Variants in KLF12 observed in about 807,000 individuals in gnomAD.
KLF12 encodes the protein KLF transcription factor 12.
In KLF12, 9 loss-of-function variants were observed where a neutral mutation model predicts 37.8. The observed-to-expected ratio is 0.24, with a 90% CI of 0.14 to 0.42. The LOEUF (loss-of-function observed/expected upper bound fraction) is 0.42. Among genes scored for constraint, KLF12 ranks in the 10% least tolerant of loss-of-function variants. The pLI is 1.00. For synonymous variants in KLF12, 208 were observed against 202.1 expected (o/e 1.03, Z -0.25); for missense variants, 411 against 516.0 (o/e 0.80, Z 1.97).
intron 1 of KLF12, among the ~76,000 whole-genome samples, chr13:74,085,730 G>C (rs188678109): frequency 1.3e-5 from 2 of 152,002 alleles, no homozygotes; most frequent in Non-Finnish European, 2.9e-5. Flanking sequence ...CCAATTCCTG[G>C]GCACCACCTT....
the KLF12 span, among the ~76,000 whole-genome samples, chr13:74,183,968 A>G: frequency 1.3e-5 from 2 of 152,148 alleles, no homozygotes; most frequent in Non-Finnish European, 2.9e-5. Context: ...GAGCATTTAT[A>G]TTGTATTCTA....
intron 1 of KLF12, among the ~76,000 whole-genome samples, chr13:74,048,162 G>T (rs958905106): frequency 1.3e-5 from 2 of 152,224 alleles, no homozygotes; most frequent in African/African-American, 4.8e-5. Flanking sequence ...GGACTTTACA[G>T]GTGGAGCAGC....
chr13:73,802,066 A>G (rs1324672979), intron 5 of KLF12: 1 of 152,166 alleles, frequency 6.6e-6, no homozygotes, highest in African/African-American at 2.4e-5. Context: ...GTTTATACCT[A>G]TATCAGAAGA....
intron 6 of KLF12, among the ~76,000 whole-genome samples, chr13:73,730,569 T>C (rs912042694): frequency 2.0e-5 from 3 of 152,040 alleles, no homozygotes; most frequent in African/African-American, 7.2e-5. Flanking sequence ...CAAAAAATGA[T>C]ATGTGATAAA....
At chr13:73,935,057 G>T in intron 3 of KLF12, among the ~76,000 whole-genome samples, 1 of 151,622 alleles carries the variant, frequency 6.6e-6, no homozygotes, top group Admixed American at 6.6e-5. Flanking sequence ...TCAACTTATT[G>T]CACCCTCCAC....
At chr13:74,001,823 T>C (rs1892288658) in intron 1 of KLF12, among the ~76,000 whole-genome samples, 1 of 152,202 alleles carries the variant, frequency 6.6e-6, no homozygotes. Context: ...GAAAAACAAA[T>C]GGTACATGCT....
intron 3 of KLF12, among the ~76,000 whole-genome samples, chr13:73,924,425 T>C (rs1889278856): frequency 1.3e-5 from 2 of 152,198 alleles, no homozygotes; most frequent in African/African-American, 4.8e-5. Context: ...TTATATTTGT[T>C]ATGGCGAGTT....
chr13:73,971,201 T>C (rs1273783056), intron 2 of KLF12, among the ~76,000 whole-genome samples: 1 of 152,210 alleles, frequency 6.6e-6, no homozygotes, highest in Non-Finnish European at 1.5e-5. Flanking sequence ...TTAGGAATTA[T>C]AAATTAAACT....
chr13:73,703,980 G>C (rs1189184955), intron 7 of KLF12, among the ~76,000 whole-genome samples: 1 of 152,190 alleles, frequency 6.6e-6, no homozygotes, highest in Non-Finnish European at 1.5e-5. Context: ...GAACTTTAGT[G>C]TAAGTAAAAA....
intron 3 of KLF12, among the ~76,000 whole-genome samples, chr13:73,942,212 T>C (rs1485011950): frequency 6.6e-6 from 1 of 152,162 alleles, no homozygotes; most frequent in Admixed American, 6.5e-5. Context: ...GCTTTGACCA[T>C]TGGTCTGGGG....
At chr13:73,734,084 A>C (rs1490129948) in intron 6 of KLF12, among the ~76,000 whole-genome samples, 2 of 151,910 alleles carry the variant, frequency 1.3e-5, no homozygotes, top group Non-Finnish European at 2.9e-5. Context: ...CAGTGCCTTC[A>C]CTCTTGCTAT....
At chr13:74,196,279 C>T in the KLF12 span, among the ~76,000 whole-genome samples, 2 of 152,162 alleles carry the variant, frequency 1.3e-5, no homozygotes, top group African/African-American at 4.8e-5. Context: ...CCCAAGCAGG[C>T]TTCCTCTGAC....
chr13:73,733,374 T>C lies in KLF12; in HGVS notation c.870-17849A>G, dbSNP rs148799158. On this transcript the variant is annotated intron_variant, in intron 6 of 7. Coordinates refer to ENST00000377669, the MANE Select transcript of KLF12 (RefSeq NM_007249.5). Reference sequence around the variant, plus strand: ...TTTGTCTCTATGAATTTGCCTACTTTAGGTGCCTCATATAAGTAGAATCAT... The same window carrying C: ...TTTGTCTCTATGAATTTGCCTACTTCAGGTGCCTCATATAAGTAGAATCAT... 3.8e-3 allele frequency among the ~76,000 whole-genome samples: 574 copies of C among 152,292 alleles called. 4 individuals are homozygous for C. The highest frequency in any genetic ancestry group is 0.013 in the African/African-American group (533 of 41,566).
chr13:73,826,613 ATTT>A (rs1474642513), intron 4 of KLF12, among the ~76,000 whole-genome samples: 1 of 152,112 alleles, frequency 6.6e-6, no homozygotes, highest in Non-Finnish European at 1.5e-5. Context: ...GCTCCTTTGT[ATTT>A]TTTTAATTCC....
chr13:74,250,739 A>G, the KLF12 span, among the ~76,000 whole-genome samples: 2 of 152,158 alleles, frequency 1.3e-5, no homozygotes, highest in Admixed American at 1.3e-4. Context: ...TACCTAAGGA[A>G]AAAAAGGATC....
the KLF12 span, among the ~76,000 whole-genome samples, chr13:74,144,925 C>T: frequency 0.98 from 148,927 of 152,240 alleles, 72,938 homozygotes; most frequent in Middle Eastern, 1. Context: ...CAAATTTTCC[C>T]ATATGAATAA....
At chr13:73,775,956 A>C (rs1373410626) in intron 5 of KLF12, among the ~76,000 whole-genome samples, 1 of 152,182 alleles carries the variant, frequency 6.6e-6, no homozygotes, top group Non-Finnish European at 1.5e-5. Flanking sequence ...AATAGAACAA[A>C]ATTTTACGTC....
intron 4 of KLF12, chr13:73,845,243 A>C (rs1280526071): frequency 6.6e-6 from 1 of 152,208 alleles, no homozygotes; most frequent in Non-Finnish European, 1.5e-5. Flanking sequence ...ACTTAGCCTT[A>C]TAAGAAGTTA....
the KLF12 span, among the ~76,000 whole-genome samples, chr13:74,157,103 T>G: frequency 2.6e-5 from 4 of 152,208 alleles, no homozygotes; most frequent in Non-Finnish European, 4.4e-5. Context: ...ACAGGGGACT[T>G]TCTATATCAA....
Sources: allele counts gnomAD v4.1 joint callset (sites outside exome capture counted in the v4.1 genomes callset), GRCh38; gene constraint gnomAD v4.1.1; transcripts MANE v1.5; gene names NCBI Gene and HGNC (gene_info 2026-07-23, HGNC 2026-07-21).